The following AMPD1 variants were observed in gnomAD, a reference collection of about 807,000 sequenced individuals.
AMPD1 encodes adenosine monophosphate deaminase 1.
In AMPD1, 74 loss-of-function variants were observed where a neutral mutation model predicts 82.9. The ratio of observed to expected loss-of-function variants is 0.89; its 90% CI spans 0.74 to 1.08. The LOEUF (loss-of-function observed/expected upper bound fraction) is 1.08, where lower values mean the gene tolerates loss of function less well. Among genes scored for constraint, AMPD1 ranks in the 50% least tolerant of loss-of-function variants. The pLI is 0.00. For synonymous variants in AMPD1, 333 were observed against 320.5 expected (o/e 1.04, Z -0.42); for missense variants, 881 against 924.5 (o/e 0.95, Z 0.61).
rs1485738543 is a variant in AMPD1, at chr1:114,686,904, C to A, written c.222G>T (p.Lys74Asn). The change falls in exon 4 of 16, where the codon AAG becomes AAT. Residue 74 changes from lysine to asparagine, a missense_variant. Physicochemically the swap from Lys to Asn is moderately conservative, Grantham distance 94. This residue lies in a region of AMPD1 where 783 missense variants were observed against 786.4 expected (regional missense o/e 1.00). Transcript: ENST00000520113. ...TAACAGTCTTCCGTCCTTGGAAACG[C>A]TTTTTTCTGGGTTCGAAATTTAAAA... ...LSTSTEARRK[K>N]RFQGRKTVNL... The A allele has an allele frequency of 3.7e-6, 6 of 1,614,044 alleles. No homozygotes were observed. The highest frequency in any genetic ancestry group is 5.1e-6 in the Non-Finnish European group (6 of 1,180,028).
At chr1:114,681,101 C>T (rs952667883) in intron 5 of AMPD1, among the ~76,000 whole-genome samples, 8 of 152,170 alleles carry the variant, frequency 5.3e-5, no homozygotes, top group Admixed American at 1.3e-4. Flanking sequence ...AGTTTGTCAT[C>T]AAAGGCTTTC....
At chr1:114,690,472 C>T (rs1264351146) in intron 2 of AMPD1, among the ~76,000 whole-genome samples, 1 of 152,038 alleles carries the variant, frequency 6.6e-6, no homozygotes, top group Non-Finnish European at 1.5e-5. Flanking sequence ...TCATAACTTC[C>T]CCAACAATAA....
chr1:114,684,388 A>T, intron 4 of AMPD1, 24 bp from the exon 5 acceptor site: 1 of 1,611,228 alleles, frequency 6.2e-7, no homozygotes. Flanking sequence ...AAAAGTCAGC[A>T]TATCAGAGTC....
At chr1:114,676,487 T>C (rs545369899) in intron 10 of AMPD1, among the ~76,000 whole-genome samples, 2 of 152,278 alleles carry the variant, frequency 1.3e-5, no homozygotes, top group South Asian at 4.1e-4. Flanking sequence ...TTAGGTATTG[T>C]TTTTAACCTT....
chr1:114,675,789 A>G lies in AMPD1; in HGVS notation c.1515+88T>C, dbSNP rs1657963882. The G allele has an allele frequency of 3.1e-6, 5 of 1,613,322 alleles. No individual in the cohort carries two copies. In the African/African-American group the frequency reaches 5.3e-5, roughly 17 times the overall value. On this transcript the variant is annotated intron_variant, in intron 11 of 15. Transcript: ENST00000520113. ...AGGTCCAAAGGCACAGACCAAACATAAAGAGATAAGCACCAAGAATTAGTC... is the reference window on the plus strand; with the variant it reads ...AGGTCCAAAGGCACAGACCAAACATGAAGAGATAAGCACCAAGAATTAGTC...
At chr1:114,674,615 C>G (rs1168977528) in intron 13 of AMPD1, 137 bp downstream of exon 13, 4 of 1,116,996 alleles carry the variant, frequency 3.6e-6, no homozygotes, top group African/African-American at 3.2e-5. Context: ...ATGAACTGCA[C>G]TAAACTAAAA....
At chr1:114,695,411 C>CAACAA in intron 1 of AMPD1, 39 bp downstream of exon 1, 1 of 1,393,276 alleles carries the variant, frequency 7.2e-7, no homozygotes, top group Non-Finnish European at 9.6e-7. Flanking sequence ...AAAAAAAAAA[C>CAACAA]AACAACAACT....
intron 6 of AMPD1, among the ~76,000 whole-genome samples, 175 bp downstream of exon 6, chr1:114,680,084 A>G (rs1425424381): frequency 6.6e-6 from 1 of 152,278 alleles, no homozygotes; most frequent in Non-Finnish European, 1.5e-5. Flanking sequence ...TAACCACCTC[A>G]CAGTGAAAAG....
chr1:114,695,350 T>A, intron 1 of AMPD1, 100 bp downstream of exon 1: 2 of 1,523,348 alleles, frequency 1.3e-6, no homozygotes, highest in Non-Finnish European at 8.9e-7. Context: ...GAACCCTAAA[T>A]GAATGATCAA....
Position 114,677,383 on chromosome 1 carries a change from G to T in AMPD1, c.1356C>A (p.Asn452Lys), listed in dbSNP as rs1394058763. 1 of 1,610,792 alleles carries T rather than the reference G, an allele frequency of 6.2e-7. No homozygotes were observed. The highest frequency in any genetic ancestry group is 1.7e-5 in the Admixed American group (1 of 59,484). ...WFVCNRIHCP[N>K]MTWMIQVPRI... is the part of the protein sequence containing the mutation. ...TGGGAACCTGGATCATCCATGTCAT[G>T]TTGGGGCAGTGGATGCGATTGCAGA... is the stretch of plus-strand genomic sequence containing the variant. The change falls in exon 10 of 16, where the codon AAC (asparagine) becomes AAA (lysine). Residue 452 changes from asparagine (N) to lysine (K), a missense_variant. Around this residue, in one of 2 missense-constraint regions of AMPD1, gnomAD observed 783 missense variants for 786.4 expected, o/e 1.00. Coordinates refer to ENST00000520113, the MANE Select transcript of AMPD1 (RefSeq NM_000036.3).
rs952184704 is a variant in AMPD1, at chr1:114,680,967, C to CA, written c.548-490dup. 1.6e-4 allele frequency among the ~76,000 whole-genome samples: 24 copies of CA among 150,392 alleles called. No individual in the cohort carries two copies. In the East Asian group the frequency reaches 2.1e-3, roughly 13 times the overall value. ...TAGGCGACAGAGGGAGACCCTGTCT[C>CA]AAAAAAAAGAAAAATAAAATAATAT... On this transcript the variant is annotated intron_variant, in intron 5 of 15. Coordinates refer to ENST00000520113, the MANE Select transcript of AMPD1 (RefSeq NM_000036.3).
chr1:114,694,798 C>T (rs1198855449), intron 1 of AMPD1, among the ~76,000 whole-genome samples: 1 of 152,080 alleles, frequency 6.6e-6, no homozygotes, highest in African/African-American at 2.4e-5. Context: ...GAATCGTGAT[C>T]GTGCCACTGC....
At chr1:114,677,546 G>C in intron 9 of AMPD1, 32 bp from the exon 10 acceptor site, 6 of 1,613,496 alleles carry the variant, frequency 3.7e-6, no homozygotes, top group Non-Finnish European at 5.1e-6. Context: ...CCAAGCCAGG[G>C]ATTCCCACAA....
chr1:114,693,153 TAA>T (rs1557975885), intron 2 of AMPD1, among the ~76,000 whole-genome samples: 1 of 148,074 alleles, frequency 6.8e-6, no homozygotes, highest in African/African-American at 2.5e-5. Context: ...AATAAATAAA[TAA>T]ATAAATAAAT....
At chr1:114,673,397 C>G in intron 15 of AMPD1, 125 bp from the exon 16 acceptor site, 1 of 1,153,856 alleles carries the variant, frequency 8.7e-7, no homozygotes, top group Non-Finnish European at 1.3e-6. Flanking sequence ...TAATAATAGA[C>G]CATTAAAAGC....
chr1:114,684,440 GC>G, intron 4 of AMPD1, 76 bp from the exon 5 acceptor site: 6 of 1,464,080 alleles, frequency 4.1e-6, no homozygotes, highest in Non-Finnish European at 5.7e-6. Flanking sequence ...CTTATCCTTG[GC>G]ACCTCCCAGC....
rs748578796 is a variant in AMPD1, at chr1:114,686,807, G to C, written c.319C>G (p.Pro107Ala). The change falls in exon 4 of 16, where the codon CCA becomes GCA. Residue 107 changes from proline (P) to alanine (A), a missense_variant. Transcript: ENST00000520113. ...SHIDEYISSS[P>A]TYQTVPDFQR... ...AAATCAGGCACGGTCTGGTAGGTTG[G>C]AGATGAGGAAATGTATTCATCAATG... is the stretch of plus-strand genomic sequence containing the variant. 5 of 1,614,168 alleles carry C rather than the reference G, an allele frequency of 3.1e-6. No individual in the cohort carries two copies. The highest frequency in any genetic ancestry group is 4.2e-6 in the Non-Finnish European group (5 of 1,180,006).
At chr1:114,694,179 GCACTC>G (rs1446148935) in intron 1 of AMPD1, among the ~76,000 whole-genome samples, 4 of 151,980 alleles carry the variant, frequency 2.6e-5, no homozygotes, top group Non-Finnish European at 5.9e-5. Flanking sequence ...TCGCACCACT[GCACTC>G]CAGCCTGGGT....
In AMPD1 at chr1:114,677,271, C is replaced by A; in HGVS notation, c.1388+80G>T. On this transcript the variant is annotated intron_variant, in intron 10 of 15. Transcript: ENST00000520113. ...AGCTGATTTATTTCTAGATGGGCAA[C>A]ACGTTCCTTGTTCATACAGGGGACT... 2.5e-6 allele frequency: 4 copies of A among 1,569,666 alleles called. No individual in the cohort carries two copies. The South Asian group carries it at 3.4e-5, about 13-fold the overall frequency.
Sources: allele counts gnomAD v4.1 joint callset (sites outside exome capture counted in the v4.1 genomes callset), GRCh38; gene constraint gnomAD v4.1.1; regional missense constraint gnomAD v4.1.1; transcripts MANE v1.5; gene names NCBI Gene and HGNC (gene_info 2026-07-23, HGNC 2026-07-21).